Variants in PDS5B observed in about 807,000 individuals in gnomAD.
The protein encoded by PDS5B is sister chromatid cohesion protein PDS5 homolog B.
Under a neutral mutation model 184.1 loss-of-function variants are expected in PDS5B, and 51 were observed. The ratio of observed to expected loss-of-function variants is 0.28; its 90% CI spans 0.22 to 0.35. The LOEUF (loss-of-function observed/expected upper bound fraction) is 0.35, where lower values mean the gene tolerates loss of function less well. Ranked by LOEUF, PDS5B falls within the 10% of genes least tolerant of loss-of-function variation. The pLI is 1.00. For synonymous variants in PDS5B, 566 were observed against 569.2 expected (o/e 0.99, Z 0.08); for missense variants, 1,180 against 1,723.3 (o/e 0.68, Z 5.58).
At chr13:32,629,484 G>A (rs550702494) in intron 1 of PDS5B, among the ~76,000 whole-genome samples, 2 of 152,156 alleles carry the variant, frequency 1.3e-5, no homozygotes, top group African/African-American at 4.8e-5. Context: ...GATAAAAAGG[G>A]GTGGTTAAAA....
chr13:32,706,656 C>A (rs1401097384), intron 17 of PDS5B, among the ~76,000 whole-genome samples: 2 of 151,976 alleles, frequency 1.3e-5, no homozygotes, highest in Non-Finnish European at 2.9e-5. Flanking sequence ...TCAGACCTGC[C>A]ATGGAAAAGA....
chr13:32,729,810 G>A (rs1288682654), intron 19 of PDS5B, among the ~76,000 whole-genome samples: 4 of 151,986 alleles, frequency 2.6e-5, no homozygotes, highest in African/African-American at 7.2e-5. Context: ...TTGTAAATTC[G>A]TTTAAGTTTC....
chr13:32,629,527 C>G (rs1005229327), intron 1 of PDS5B, among the ~76,000 whole-genome samples: 3 of 152,152 alleles, frequency 2.0e-5, no homozygotes, highest in African/African-American at 7.2e-5. Context: ...TTGGAGTTAT[C>G]CATTACATTA....
chr13:32,738,528 G>GT (rs1566394276), intron 21 of PDS5B, among the ~76,000 whole-genome samples: 1 of 151,842 alleles, frequency 6.6e-6, no homozygotes, highest in Non-Finnish European at 1.5e-5. Context: ...TCCCCTTGGT[G>GT]TTTTTTTCCC....
chr13:32,654,598 G>T (rs1436488075), intron 3 of PDS5B, among the ~76,000 whole-genome samples: 3 of 152,046 alleles, frequency 2.0e-5, no homozygotes, highest in African/African-American at 7.3e-5. Flanking sequence ...TAAATTACAT[G>T]TCATGAGGGT....
At chr13:32,769,012 C>G (rs937433140) in intron 31 of PDS5B, among the ~76,000 whole-genome samples, 9 of 147,990 alleles carry the variant, frequency 6.1e-5, no homozygotes, top group Non-Finnish European at 1.3e-4. Context: ...CCCAGCTACT[C>G]GGGAGAAGGC....
At position 32,775,191 on chromosome 13, in the gene PDS5B, G is replaced by T; in HGVS notation, c.*139G>T. 2 of 699,570 alleles carry T rather than the reference G, an allele frequency of 2.9e-6. No individual in the cohort carries two copies. The highest frequency in any genetic ancestry group is 4.8e-6 in the Non-Finnish European group (2 of 416,566). 43.3% of individuals were successfully genotyped at this position (699,570 alleles called of 1,614,324 possible). On this transcript the variant is annotated 3_prime_UTR_variant, in exon 35 of 35. Transcript: ENST00000315596. Reference sequence around the variant, plus strand: ...GAGTGGACAGTTGGACCTTACTTTGGTGACCCCATACATTTGTGGTCACAT... The same window carrying T: ...GAGTGGACAGTTGGACCTTACTTTGTTGACCCCATACATTTGTGGTCACAT...
intron 3 of PDS5B, among the ~76,000 whole-genome samples, chr13:32,653,167 G>A (rs1950414601): frequency 6.6e-6 from 1 of 152,070 alleles, no homozygotes; most frequent in African/African-American, 2.4e-5. Flanking sequence ...GTTGGCACAT[G>A]ACTGTAACCC....
chr13:32,696,949 A>C, intron 15 of PDS5B, 47 bp downstream of exon 15: 1 of 1,116,910 alleles, frequency 9.0e-7, no homozygotes, highest in Non-Finnish European at 1.3e-6. Flanking sequence ...TTATTGGAAC[A>C]TTTTTTATAA....
At chr13:32,637,214 GC>G (rs1256405369) in intron 1 of PDS5B, among the ~76,000 whole-genome samples, 1 of 59,738 alleles carries the variant, frequency 1.7e-5, no homozygotes, top group Non-Finnish European at 3.2e-5. Context: ...TGAAGTAATG[GC>G]TAATGATTTC....
intron 30 of PDS5B, chr13:32,763,655 A>G (rs577610005): frequency 6.6e-6 from 1 of 152,200 alleles, no homozygotes; most frequent in South Asian, 2.1e-4. Context: ...TGGGCTTTTT[A>G]CCTGAATAAC....
At chr13:32,596,553 G>A (rs1226745612) in intron 1 of PDS5B, among the ~76,000 whole-genome samples, 1 of 152,206 alleles carries the variant, frequency 6.6e-6, no homozygotes, top group Non-Finnish European at 1.5e-5. Context: ...GCATATGTGT[G>A]TTTAACTTTA....
intron 1 of PDS5B, among the ~76,000 whole-genome samples, chr13:32,589,838 A>T (rs1395082203): frequency 6.6e-6 from 1 of 152,174 alleles, no homozygotes; most frequent in Non-Finnish European, 1.5e-5. Flanking sequence ...GACTCCTTGG[A>T]GAGTAGAGGT....
Position 32,770,398 on chromosome 13 carries a change from C to T in PDS5B, c.3902C>T (p.Thr1301Ile). The change falls in exon 32 of 35, where the codon ACA becomes ATA. Residue 1301 changes from threonine to isoleucine, a missense_variant. Transcript: ENST00000315596. The part of the protein sequence containing the change: ...GRPPKPLGGG[T>I]PKEEPTMKTS... ...CCACCAAAACCTCTTGGTGGAGGTA[C>T]ACCAAAAGAAGAGCCAACAATGAAA... 3.1e-6 allele frequency: 5 copies of T among 1,610,714 alleles called. No individual in the cohort carries two copies. The highest frequency in any genetic ancestry group is 1.4e-5 in the African/African-American group (1 of 74,058).
intron 2 of PDS5B, 35 bp downstream of exon 2, chr13:32,648,915 A>G (rs780518373): frequency 1.1e-6 from 1 of 924,020 alleles, no homozygotes; most frequent in Non-Finnish European, 1.8e-6. Context: ...ACATCTGTGT[A>G]GGGCAGAGGT....
intron 14 of PDS5B, among the ~76,000 whole-genome samples, chr13:32,696,232 CTT>C (rs1356506793): frequency 1.3e-5 from 2 of 151,926 alleles, no homozygotes; most frequent in Non-Finnish European, 2.9e-5. Flanking sequence ...TGCTCAATGA[CTT>C]TTTTTGTTTC....
At chr13:32,753,664 C>T (rs1954067735) in intron 25 of PDS5B, 128 bp downstream of exon 25, 2 of 589,284 alleles carry the variant, frequency 3.4e-6, no homozygotes, top group East Asian at 2.8e-5. Flanking sequence ...TACCATTTTT[C>T]AATAACTGCT....
At chr13:32,665,161 G>A (rs1950750818) in intron 6 of PDS5B, among the ~76,000 whole-genome samples, 1 of 152,168 alleles carries the variant, frequency 6.6e-6, no homozygotes, top group South Asian at 2.1e-4. Context: ...ATTATTTAAT[G>A]AATGGTTTTA....
chr13:32,724,881 T>C (rs1278188481), intron 19 of PDS5B, among the ~76,000 whole-genome samples: 1 of 152,160 alleles, frequency 6.6e-6, no homozygotes, highest in Non-Finnish European at 1.5e-5. Context: ...TGCCTGGCCA[T>C]ATTTCTTTAT....
Sources: gnomAD v4.1 joint callset for allele counts (sites outside exome capture counted in the v4.1 genomes callset) on GRCh38, gnomAD v4.1.1 for gene constraint, MANE v1.5 for transcripts, NCBI Gene and HGNC (gene_info 2026-07-23, HGNC 2026-07-21) for gene names.